HNRNPL: variants seen among roughly 807,000 people sequenced by gnomAD.
HNRNPL encodes epididymis secretory sperm binding protein.
Under a neutral mutation model 64.0 loss-of-function variants are expected in HNRNPL, and 12 were observed. The observed-to-expected ratio is 0.19, with a 90% CI of 0.12 to 0.30. The LOEUF (loss-of-function observed/expected upper bound fraction) is 0.30. Ranked by LOEUF, HNRNPL falls within the 10% of genes least tolerant of loss-of-function variation. The pLI, the probability that HNRNPL is intolerant of heterozygous loss-of-function variation, is 1.00. For missense variants in HNRNPL, 484 were observed against 797.4 expected, an observed-to-expected ratio of 0.61 and a Z score of 4.73; for synonymous variants, 385 against 313.0, an observed-to-expected ratio of 1.23 and a Z score of -2.43.
chr19:38,836,590 C>T lies in HNRNPL; in HGVS notation c.*132G>A. The T allele has an allele frequency of 1.9e-6, 1 of 523,338 alleles. No individual in the cohort carries two copies. Among genetic ancestry groups the T allele is most frequent in the Non-Finnish European group, 3.1e-6 (1 of 318,980 alleles). 32.4% of individuals were successfully genotyped at this position (523,338 alleles called of 1,614,324 possible). On this transcript the variant is annotated 3_prime_UTR_variant, in exon 13 of 13. Coordinates refer to ENST00000221419, the MANE Select transcript of HNRNPL (RefSeq NM_001533.3). The stretch of plus-strand genomic sequence containing the variant: ...TAAGGTTAAGTAAGCCTCTACAAAC[C>T]TAGCATTTAAAAAAAAAAAAAAAAA...
upstream of HNRNPL, chr19:38,850,056 G>C (rs1972459788): frequency 8.9e-7 from 1 of 1,117,550 alleles, no homozygotes. Context: ...GGAGCCACTG[G>C]TCCCGCCGCG....
At position 38,846,185 on chromosome 19, in the gene HNRNPL, T is replaced by C. The variant is rs557695331; in HGVS notation, c.387-95A>G. ...TTTGAGAACTGACTCCTCCATGGCC[T>C]CTGAACTCCTCTGCAACCCTATCAT... On this transcript the variant is annotated intron_variant, in intron 2 of 12. Transcript: ENST00000221419. 5.7e-6 allele frequency: 5 copies of C among 879,292 alleles called. No individual in the cohort carries two copies. In the South Asian group the frequency reaches 7.0e-5, roughly 12 times the overall value. The allele number at this position is 879,292 out of a possible 1,614,324, so 54.5% of individuals were successfully genotyped here.
intron 4 of HNRNPL, among the ~76,000 whole-genome samples, chr19:38,844,408 G>A (rs1450701375): frequency 3.9e-5 from 6 of 152,046 alleles, no homozygotes; most frequent in Admixed American, 1.3e-4. Flanking sequence ...CACACCCTTC[G>A]ACTAAATCTG....
Position 38,845,991 on chromosome 19 carries a change from T to C in HNRNPL, c.486A>G (p.Ile162Met), listed in dbSNP as rs750205663. The change falls in exon 3 of 13, where the codon ATA (isoleucine) becomes ATG (methionine). Residue 162 changes from isoleucine to methionine, a missense_variant. By Grantham distance (10) the Ile-to-Met change is conservative. Transcript: ENST00000221419. ...CAAAAGCTGGGTGACCAGCAATGTA[T>C]ATTTGGTTGTCGGCTGCGTAGTTCA... Reference protein sequence around the residue: ...NAVNYAADNQIYIAGHPAFVN... With the variant: ...NAVNYAADNQMYIAGHPAFVN... 1.2e-6 allele frequency: 2 copies of C among 1,614,206 alleles called. No homozygotes were observed. The highest frequency in any genetic ancestry group is 1.7e-5 in the Admixed American group (1 of 60,026).
chr19:38,849,554 C>G, intron 1 of HNRNPL, 146 bp downstream of exon 1: 1 of 1,142,916 alleles, frequency 8.7e-7, no homozygotes, highest in Non-Finnish European at 1.1e-6. Context: ...CGCCGTTTGC[C>G]CAACGGCCGC....
In HNRNPL at chr19:38,838,603, A is replaced by G. The variant is rs942944268; in HGVS notation, c.1356-5T>C. The G allele has an allele frequency of 8.1e-6, 13 of 1,613,014 alleles. No homozygotes were observed. The African/African-American group carries it at 1.7e-4, about 22-fold the overall frequency. ...ATGGCTGGCTGCTTGGAGACACTGC[A>G]GCAAGGAAGAAAGGGGAGCCTTTGT... is the stretch of plus-strand genomic sequence containing the variant. On this transcript the variant is annotated splice_region_variant and splice_polypyrimidine_tract_variant and intron_variant, in intron 9 of 12. Coordinates refer to ENST00000221419, the MANE Select transcript of HNRNPL (RefSeq NM_001533.3).
At position 38,843,874 on chromosome 19, in the gene HNRNPL, C is replaced by G; in HGVS notation, c.848G>C (p.Trp283Ser). The change falls in exon 6 of 13, where the codon TGG (tryptophan) becomes TCG (serine). Residue 283 changes from tryptophan (W) to serine (S), a missense_variant. Physicochemically the swap from Trp to Ser is radical, Grantham distance 177. Around this residue, in one of 9 missense-constraint regions of HNRNPL, gnomAD observed 60 missense variants for 192.2 expected, o/e 0.31. Transcript: ENST00000221419. ...LNVFKNDQDT[W>S]DYTNPNLSGQ... ...ACTGAGATTGGGGTTTGTGTAGTCC[C>G]AAGTATCCTGATCATTCTTGAACAC... 1 of 1,614,162 alleles carries G rather than the reference C, an allele frequency of 6.2e-7. No individual in the cohort carries two copies. The highest frequency in any genetic ancestry group is 8.5e-7 in the Non-Finnish European group (1 of 1,180,004).
rs138802854 is a variant in HNRNPL, at chr19:38,846,048, C to T, written c.429G>A (p.Glu143=). 207 of 1,614,208 alleles carry T rather than the reference C, an allele frequency of 1.3e-4. No homozygotes were observed. The African/African-American group carries it at 1.9e-3, about 15-fold the overall frequency. The change falls in exon 3 of 13, where the codon GAG becomes GAA. Residue 143 remains glutamate, a synonymous_variant. Transcript: ENST00000221419. ...TGCAAGCCCCCAACACATCTTCAAA[C>T]TCCACCAGTGCTTGTCTCTTTTTAG... ...VMPKKRQALV[E]FEDVLGACNA...
chr19:38,845,551 C>T (rs1387567125), intron 4 of HNRNPL, 99 bp downstream of exon 4: 1 of 949,156 alleles, frequency 1.1e-6, no homozygotes, highest in Non-Finnish European at 1.7e-6. Flanking sequence ...GGCAGCCACT[C>T]CCGTGGTCAG....
intron 12 of HNRNPL, 187 bp downstream of exon 12, chr19:38,837,197 A>C (rs1281085292): frequency 5.0e-6 from 3 of 601,190 alleles, no homozygotes. Context: ...GGCAGCAGGC[A>C]GTCAGGCTGG....
upstream of HNRNPL, chr19:38,850,112 G>A: frequency 1.7e-6 from 1 of 597,500 alleles, no homozygotes; most frequent in Non-Finnish European, 2.7e-6. Flanking sequence ...ATTGGACATT[G>A]CCCACGCCGT....
intron 2 of HNRNPL, among the ~76,000 whole-genome samples, chr19:38,846,798 C>T (rs548962326): frequency 2.6e-5 from 4 of 152,280 alleles, no homozygotes; most frequent in African/African-American, 9.6e-5. Context: ...GTCCCAGCTA[C>T]TCGGGAGGCT....
chr19:38,841,529 C>A, intron 6 of HNRNPL: 1 of 618,020 alleles, frequency 1.6e-6, no homozygotes, highest in Non-Finnish European at 2.7e-6. Context: ...CCAGTCATTA[C>A]AAAATGGAAA....
At position 38,838,793 on chromosome 19, in the gene HNRNPL, T is replaced by C. The variant is rs910181996; in HGVS notation, c.1355+101A>G. The stretch of plus-strand genomic sequence containing the variant: ...ACACCTGCCACATCCCATTTCTGTG[T>C]GAGTCAACACCTCGGCCTCACTGTG... On this transcript the variant is annotated intron_variant, in intron 9 of 12. Coordinates refer to ENST00000221419, the MANE Select transcript of HNRNPL (RefSeq NM_001533.3). The C allele has an allele frequency of 2.0e-6, 3 of 1,503,394 alleles. No individual in the cohort carries two copies. The African/African-American group carries it at 4.1e-5, about 21-fold the overall frequency. The allele number at this position is 1,503,394 out of a possible 1,614,324, so 93.1% of individuals were successfully genotyped here.
chr19:38,849,806 C>T lies in HNRNPL; in HGVS notation c.161G>A (p.Gly54Asp), dbSNP rs1461553300. The T allele has an allele frequency of 7.5e-7, 1 of 1,331,254 alleles. No homozygotes were observed. The highest frequency in any genetic ancestry group is 1.0e-6 in the Non-Finnish European group (1 of 978,574). 82.5% of individuals were successfully genotyped at this position (1,331,254 alleles called of 1,614,324 possible). A position where few individuals can be genotyped will look rare whatever the true frequency, so the allele number is the denominator to read the frequency against. ...CTTGAGCCGCTTAGGGGCCCGGCCGCCCTCACTGCCGCCGCCGTAGTAGCG... is the reference window on the plus strand; with the variant it reads ...CTTGAGCCGCTTAGGGGCCCGGCCGTCCTCACTGCCGCCGCCGTAGTAGCG... ...GGRYYGGGSE[G>D]GRAPKRLKTD... Residue 54 changes from glycine to aspartate, a missense_variant, in exon 1 of 13, where the codon GGC becomes GAC. Around this residue, in one of 9 missense-constraint regions of HNRNPL, gnomAD observed 190 missense variants for 160.1 expected, o/e 1.19. Coordinates refer to ENST00000221419, the MANE Select transcript of HNRNPL (RefSeq NM_001533.3).
chr19:38,836,603 A>T lies in HNRNPL; in HGVS notation c.*119T>A. ...GCCTCTACAAACCTAGCATTTAAAA[A>T]AAAAAAAAAAAAAAAAAAAAAGGAA... On this transcript the variant is annotated 3_prime_UTR_variant, in exon 13 of 13. Coordinates refer to ENST00000221419, the MANE Select transcript of HNRNPL (RefSeq NM_001533.3). The T allele has an allele frequency of 2.0e-5, 6 of 305,910 alleles. No individual in the cohort carries two copies. The South Asian group carries it at 3.9e-4, about 20-fold the overall frequency. The allele number at this position is 305,910 out of a possible 1,614,324, so 18.9% of individuals were successfully genotyped here.
chr19:38,847,791 G>A (rs879524029), intron 1 of HNRNPL, among the ~76,000 whole-genome samples: 3 of 152,230 alleles, frequency 2.0e-5, no homozygotes, highest in Non-Finnish European at 4.4e-5. Flanking sequence ...AGCTGGAAAA[G>A]GAGATACACT....
At chr19:38,837,757 G>T in intron 10 of HNRNPL, 106 bp from the exon 11 acceptor site, 2 of 921,372 alleles carry the variant, frequency 2.2e-6, no homozygotes, top group Non-Finnish European at 3.4e-6. Flanking sequence ...GTTTTCAGGA[G>T]AAAAGGCTTG....
At chr19:38,846,125 GA>G in intron 2 of HNRNPL, 35 bp from the exon 3 acceptor site, 1 of 1,478,442 alleles carries the variant, frequency 6.8e-7, no homozygotes, top group Non-Finnish European at 9.5e-7. Context: ...ATCCTCTCAG[GA>G]AAATGTAGAC....
Sources: allele counts gnomAD v4.1 joint callset (sites outside exome capture counted in the v4.1 genomes callset), GRCh38; gene constraint gnomAD v4.1.1; regional missense constraint gnomAD v4.1.1; transcripts MANE v1.5; gene names NCBI Gene and HGNC (gene_info 2026-07-23, HGNC 2026-07-21).